The following KANK2 variants were observed in gnomAD, a reference collection of about 807,000 sequenced individuals.
The protein encoded by KANK2 is KN motif and ankyrin repeat domains 2, also known as KN motif and ankyrin repeat domain-containing protein 2.
A neutral mutation model predicts 74.6 loss-of-function variants in KANK2; 41 were observed. That is an observed-to-expected ratio of 0.55 (90% confidence interval 0.43 to 0.71). KANK2 has a LOEUF of 0.71. Among genes scored for constraint, KANK2 ranks in the 30% least tolerant of loss-of-function variants. The pLI is 0.00. For missense variants in KANK2, 1,148 were observed against 1,196.4 expected, an observed-to-expected ratio of 0.96 and a Z score of 0.60; for synonymous variants, 537 against 519.0, an observed-to-expected ratio of 1.03 and a Z score of -0.47.
intron 9 of KANK2, 76 bp from the exon 10 acceptor site, chr19:11,173,199 C>G: frequency 6.7e-7 from 1 of 1,489,340 alleles, no homozygotes; most frequent in Non-Finnish European, 9.2e-7. Context: ...GATACCACGT[C>G]TCGTCCATCA....
intron 9 of KANK2, among the ~76,000 whole-genome samples, chr19:11,174,144 A>G (rs1207630593): frequency 1.3e-5 from 2 of 151,834 alleles, no homozygotes; most frequent in East Asian, 3.9e-4. Context: ...CTCCTCCATC[A>G]GCCTGGGAGG....
chr19:11,194,599 A>G lies in KANK2; in HGVS notation c.-79-9T>C, dbSNP rs2078961887. On this transcript the variant is annotated splice_polypyrimidine_tract_variant and intron_variant, in intron 2 of 12. Transcript: ENST00000586659. ...CACCGGCTGAGGCTTACCTGGGGAA[A>G]GAGAACCACGGCGCCGGGAGTTAGG... 2 of 1,090,610 alleles carry G rather than the reference A, an allele frequency of 1.8e-6. No homozygotes were observed. The highest frequency in any genetic ancestry group is 1.2e-5 in the South Asian group (1 of 80,520). The allele number at this position is 1,090,610 out of a possible 1,614,324, so 67.6% of individuals were successfully genotyped here. A position where few individuals can be genotyped will look rare whatever the true frequency, so the allele number is the denominator to read the frequency against.
chr19:11,180,855 G>T (rs1406370356), intron 4 of KANK2, among the ~76,000 whole-genome samples: 1 of 151,996 alleles, frequency 6.6e-6, no homozygotes, highest in Non-Finnish European at 1.5e-5. Flanking sequence ...GGAGGCTGAG[G>T]TGGGTGGGTC....
In KANK2 at chr19:11,178,586, C is replaced by T. The variant is rs368628669; in HGVS notation, c.1384G>A (p.Ala462Thr). ...PTHREPTRQA[A>T]SQESEEAGGT... ...CCGGCCTCCTCGGACTCTTGGGAGG[C>T]TGCTTGCCTGGTGGGCTCCCTGTGG... is the stretch of plus-strand genomic sequence containing the variant. The change falls in exon 5 of 13, where the codon GCC becomes ACC. Residue 462 changes from alanine to threonine, a missense_variant. Physicochemically the swap from Ala to Thr is moderately conservative, Grantham distance 58. Transcript: ENST00000586659. 11 of 1,604,278 alleles carry T rather than the reference C, an allele frequency of 6.9e-6. No homozygotes were observed. In the African/African-American group the frequency reaches 1.3e-4, roughly 20 times the overall value.
chr19:11,187,020 G>A (rs2078695708), intron 4 of KANK2, among the ~76,000 whole-genome samples: 2 of 152,110 alleles, frequency 1.3e-5, no homozygotes, highest in Non-Finnish European at 2.9e-5. Context: ...AACTTTGGGA[G>A]GCCAAGGCGG....
chr19:11,190,560 G>A (rs558474040), intron 4 of KANK2, among the ~76,000 whole-genome samples: 8 of 152,158 alleles, frequency 5.3e-5, no homozygotes, highest in Non-Finnish European at 8.8e-5. Flanking sequence ...GTACTTAACC[G>A]TGTGCATTAA....
intron 4 of KANK2, among the ~76,000 whole-genome samples, chr19:11,190,181 C>A (rs374476904): frequency 6.6e-6 from 1 of 151,918 alleles, no homozygotes; most frequent in South Asian, 2.1e-4. Context: ...GTCATCCAGG[C>A]TAGAGTGCAG....
intron 12 of KANK2, among the ~76,000 whole-genome samples, chr19:11,167,530 A>ATT (rs200058470): frequency 2.1e-5 from 3 of 140,846 alleles, no homozygotes; most frequent in Non-Finnish European, 1.6e-5. Context: ...GGCCCAGCTA[A>ATT]TTTTTTTTTT....
rs531578098 is a variant in KANK2 at position 11,170,822 on chromosome 19, G to C, written c.2212-574C>G. On this transcript the variant is annotated intron_variant, in intron 10 of 12. Coordinates refer to ENST00000586659, the MANE Select transcript of KANK2 (RefSeq NM_001136191.3). The surrounding 1 kb of genome is among the most constrained non-coding windows in gnomAD (Gnocchi z 5.2). ...CCCAGGCTAATTGTTCCTTTAAAAGGGTTAATTATTTTTTTTTGGAGATGG... is the reference window on the plus strand; with the variant it reads ...CCCAGGCTAATTGTTCCTTTAAAAGCGTTAATTATTTTTTTTTGGAGATGG... Among the ~76,000 whole-genome samples the C allele has an allele frequency of 2.6e-5, 4 of 152,082 alleles. No homozygotes were observed. Among genetic ancestry groups the C allele is most frequent in the Admixed American group, 2.6e-4 (4 of 15,248 alleles).
In KANK2 at chr19:11,182,541, AAAAAC is replaced by A. The variant is rs1001782483; in HGVS notation, c.1250-3826_1250-3822del. On this transcript the variant is annotated intron_variant, in intron 4 of 12. Transcript: ENST00000586659. ...ACCCTATCTTTAAAAAAAAAAACAA[AAAAAC>A]AAAACAAAACAAAAAAGCCAGGCGC... 4.7e-4 allele frequency among the ~76,000 whole-genome samples: 69 copies of A among 147,296 alleles called. 1 individual carries two copies. Among genetic ancestry groups the A allele is most frequent in the African/African-American group, 1.4e-3 (57 of 40,122 alleles).
At chr19:11,188,576 C>T (rs1250395721) in intron 4 of KANK2, among the ~76,000 whole-genome samples, 1 of 150,420 alleles carries the variant, frequency 6.6e-6, no homozygotes, top group Non-Finnish European at 1.5e-5. Context: ...TGTTCAACCC[C>T]TTGATAAGCC....
intron 4 of KANK2, among the ~76,000 whole-genome samples, chr19:11,188,292 T>C (rs1481150863): frequency 6.6e-6 from 1 of 152,078 alleles, no homozygotes; most frequent in African/African-American, 2.4e-5. Context: ...CACTGCAATT[T>C]CCGCCTCCCC....
chr19:11,183,652 C>T (rs1261484781), intron 4 of KANK2, among the ~76,000 whole-genome samples: 1 of 150,726 alleles, frequency 6.6e-6, no homozygotes, highest in Non-Finnish European at 1.5e-5. Context: ...CCATGCCCAG[C>T]TAATTTTTTT....
At position 11,178,443 on chromosome 19, in the gene KANK2, C is replaced by A; in HGVS notation, c.1422G>T (p.Gly474=). The A allele has an allele frequency of 6.3e-7, 1 of 1,597,386 alleles. No individual in the cohort carries two copies. The part of the protein sequence containing the change: ...QESEEAGGTG[G]PPAGVRSIMK... ...TGATAGATCGCACGCCTGCCGGGGG[C>A]CCGCCTGGAGGGGAGGACAGCGGAG... is the stretch of plus-strand genomic sequence containing the variant. Residue 474 remains glycine, a synonymous_variant, in exon 6 of 13, where the codon GGG becomes GGT. Transcript: ENST00000586659.
rs2078156276 is a variant in KANK2 at position 11,170,911 on chromosome 19, TC to T, written c.2212-664del. On this transcript the variant is annotated intron_variant, in intron 10 of 12. Coordinates refer to ENST00000586659, the MANE Select transcript of KANK2 (RefSeq NM_001136191.3). This position sits in a 1 kb window ranked among gnomAD's most constrained non-coding sequence, Gnocchi z 5.2. ...ATCTCGGCTCACTGCAACCTCCACC[TC>T]CTGGGTCCAAGCAACTCTCCTGCCT... Among the ~76,000 whole-genome samples, 1 of 152,108 alleles carries T rather than the reference TC, an allele frequency of 6.6e-6. No individual in the cohort carries two copies. Among genetic ancestry groups the T allele is most frequent in the Admixed American group, 6.6e-5 (1 of 15,266 alleles).
chr19:11,177,670 A>G (rs1318927279), intron 6 of KANK2, among the ~76,000 whole-genome samples: 1 of 151,988 alleles, frequency 6.6e-6, no homozygotes, highest in African/African-American at 2.4e-5. Context: ...CCCTTTTAAC[A>G]CAGGTGATTC....
rs547540358 is a variant in KANK2, at chr19:11,181,175, T to C, written c.1250-2455A>G. ...ATTATGCTAAGTGAAAGAAGCCAGA[T>C]GCAAAAGGGACAAAAACATTGCATG... On this transcript the variant is annotated intron_variant, in intron 4 of 12. Coordinates refer to ENST00000586659, the MANE Select transcript of KANK2 (RefSeq NM_001136191.3). 6.7e-5 allele frequency among the ~76,000 whole-genome samples: 10 copies of C among 148,598 alleles called. 1 individual carries two copies. Among genetic ancestry groups the C allele is most frequent in the African/African-American group, 2.5e-4 (10 of 40,088 alleles).
rs773468340 is a variant in KANK2, at chr19:11,178,431, G to A, written c.1434C>T (p.Gly478=). Residue 478 remains glycine, a synonymous_variant, in exon 6 of 13, where the codon GGC becomes GGT. Transcript: ENST00000586659. The part of the protein sequence containing the change: ...EAGGTGGPPA[G]VRSIMKRKEE... ...CTTTCCGTTTCATGATAGATCGCAC[G>A]CCTGCCGGGGGCCCGCCTGGAGGGG... is the stretch of plus-strand genomic sequence containing the variant. The A allele has an allele frequency of 3.1e-6, 5 of 1,595,028 alleles. No individual in the cohort carries two copies. The highest frequency in any genetic ancestry group is 1.7e-4 in the Middle Eastern group (1 of 6,004).
In KANK2 at chr19:11,166,593, C is replaced by T. The variant is rs2078028336; in HGVS notation, c.2521G>A (p.Asp841Asn). Residue 841 changes from aspartate (D) to asparagine (N), a missense_variant, in exon 13 of 13, where the codon GAC (aspartate) becomes AAC (asparagine). Coordinates refer to ENST00000586659, the MANE Select transcript of KANK2 (RefSeq NM_001136191.3). ...IKCSFAPMSD[D>N]ESPTSSSAEE Reference sequence around the variant, plus strand: ...GCCGAGGATGATGTAGGGCTCTCGTCATCTGACATTGGGGCAAACTGAAAC... The same window carrying T: ...GCCGAGGATGATGTAGGGCTCTCGTTATCTGACATTGGGGCAAACTGAAAC... 1 of 1,614,086 alleles carries T rather than the reference C, an allele frequency of 6.2e-7. No homozygotes were observed.
Sources: gnomAD v4.1 joint callset for allele counts (sites outside exome capture counted in the v4.1 genomes callset) on GRCh38, gnomAD v4.1.1 for gene constraint, Gnocchi (gnomAD v3.1) non-coding constraint, MANE v1.5 for transcripts, NCBI Gene and HGNC (gene_info 2026-07-23, HGNC 2026-07-21) for gene names.